LRRN3: variants seen among roughly 807,000 people sequenced by gnomAD.
LRRN3 encodes the protein leucine rich repeat neuronal 3, also known as leucine-rich repeat neuronal protein 3.
Under a neutral mutation model 40.1 loss-of-function variants are expected in LRRN3, and 15 were observed. The observed-to-expected ratio is 0.37, with a 90% CI of 0.25 to 0.58. The LOEUF (loss-of-function observed/expected upper bound fraction) is 0.58, where lower values mean the gene tolerates loss of function less well. LRRN3 is among the 20% of genes least tolerant of loss of function. The pLI is 0.72. For synonymous variants in LRRN3, 308 were observed against 297.2 expected (o/e 1.04, Z -0.37); for missense variants, 746 against 837.7 (o/e 0.89, Z 1.35).
intron 2 of LRRN3, among the ~76,000 whole-genome samples, chr7:111,118,879 T>A (rs544097115): frequency 6.6e-6 from 1 of 152,180 alleles, no homozygotes; most frequent in Admixed American, 6.5e-5. Context: ...ATAAACACTC[T>A]CATTTGCAAA....
At chr7:111,114,708 C>G (rs1289025509) in intron 2 of LRRN3, among the ~76,000 whole-genome samples, 1 of 142,274 alleles carries the variant, frequency 7.0e-6, no homozygotes, top group Non-Finnish European at 1.5e-5. Context: ...CCACTGCCCT[C>G]TAGCCTGGGC....
Position 111,122,841 on chromosome 7 carries a change from AG to A in LRRN3, c.70del (p.Asp24IlefsTer35). Reference protein sequence around the residue: ...LAITTLVQAVDKKVDCPRLCT... With the variant: ...LAITTLVQAVXKKVDCPRLCT... Reference sequence around the variant, plus strand: ...CTATCACTACACTAGTACAAGCTGTAGATAAAAAAGTGGATTGTCCACGGTT... The same window carrying A: ...CTATCACTACACTAGTACAAGCTGTAATAAAAAAGTGGATTGTCCACGGTT... On this transcript the variant is annotated frameshift_variant, in exon 3 of 3. Transcript: ENST00000308478. LOFTEE classifies it high-confidence loss of function. 1 of 1,614,006 alleles carries A rather than the reference AG, an allele frequency of 6.2e-7. No homozygotes were observed. The highest frequency in any genetic ancestry group is 8.5e-7 in the Non-Finnish European group (1 of 1,179,932).
intron 1 of LRRN3, among the ~76,000 whole-genome samples, chr7:111,094,038 T>TTA (rs1274685517): frequency 6.6e-6 from 1 of 152,150 alleles, no homozygotes; most frequent in East Asian, 1.9e-4. Context: ...GGTGATCAAC[T>TTA]TATGATGCAC....
At chr7:111,104,036 G>T (rs1453667532) in intron 2 of LRRN3, among the ~76,000 whole-genome samples, 1 of 151,690 alleles carries the variant, frequency 6.6e-6, no homozygotes, top group African/African-American at 2.4e-5. Context: ...TAATATGTGT[G>T]TGAAATGAAA....
intron 2 of LRRN3, among the ~76,000 whole-genome samples, chr7:111,112,849 C>T (rs1373808380): frequency 1.3e-5 from 2 of 152,244 alleles, no homozygotes; most frequent in Admixed American, 6.5e-5. Context: ...CATCAGCTAA[C>T]CCCAGCACAC....
intron 1 of LRRN3, 75 bp from the exon 2 acceptor site, chr7:111,099,806 A>T (rs796284757): frequency 3.3e-5 from 5 of 151,902 alleles, no homozygotes; most frequent in African/African-American, 1.2e-4. Flanking sequence ...ACATGTAAGA[A>T]ATAAAGAAGG....
chr7:111,110,402 AATAAT>A (rs1799065625), intron 2 of LRRN3, among the ~76,000 whole-genome samples: 1 of 152,194 alleles, frequency 6.6e-6, no homozygotes, highest in African/African-American at 2.4e-5. Flanking sequence ...TATTCACTGA[AATAAT>A]ATCTTATCTT....
At position 111,091,469 on chromosome 7, in the gene LRRN3, A is replaced by C. The variant is rs1340469814; in HGVS notation, c.-476A>C. The C allele has an allele frequency of 6.6e-6, 1 of 152,224 alleles. No individual in the cohort carries two copies. Among genetic ancestry groups the C allele is most frequent in the Non-Finnish European group, 1.5e-5 (1 of 68,038 alleles). 9.4% of individuals were successfully genotyped at this position (152,224 alleles called of 1,614,324 possible). The stretch of plus-strand genomic sequence containing the variant: ...ACTGAGGAATCCAGCACGCAAGGAC[A>C]TCGGAGGTGGGCTAGCACTGAAACT... On this transcript the variant is annotated 5_prime_UTR_variant, in exon 1 of 3. Coordinates refer to ENST00000308478, the MANE Select transcript of LRRN3 (RefSeq NM_001099658.2).
At chr7:111,120,560 G>C (rs1053799907) in intron 2 of LRRN3, among the ~76,000 whole-genome samples, 3 of 152,100 alleles carry the variant, frequency 2.0e-5, no homozygotes, top group African/African-American at 7.2e-5. Context: ...AACCATATCA[G>C]TGATGTAATA....
chr7:111,101,286 T>A (rs536851674), intron 2 of LRRN3, among the ~76,000 whole-genome samples: 1 of 151,528 alleles, frequency 6.6e-6, no homozygotes, highest in East Asian at 1.9e-4. Context: ...TATAGATACA[T>A]CCCTAGTCAT....
intron 1 of LRRN3, among the ~76,000 whole-genome samples, chr7:111,097,857 T>C (rs535364358): frequency 6.6e-6 from 1 of 151,922 alleles, no homozygotes; most frequent in East Asian, 1.9e-4. Context: ...CAGGAAATAA[T>C]TTCAATATAT....
intron 2 of LRRN3, among the ~76,000 whole-genome samples, chr7:111,101,860 C>A (rs1798016858): frequency 6.6e-6 from 1 of 151,372 alleles, no homozygotes; most frequent in Non-Finnish European, 1.5e-5. Flanking sequence ...GTATACCATC[C>A]ACAGTCATTT....
intron 2 of LRRN3, among the ~76,000 whole-genome samples, chr7:111,112,647 G>A (rs1799377755): frequency 6.6e-6 from 1 of 152,136 alleles, no homozygotes; most frequent in African/African-American, 2.4e-5. Flanking sequence ...GTTGTTTAAA[G>A]CAGATTGTCA....
chr7:111,115,833 C>T (rs1332121409), intron 2 of LRRN3, among the ~76,000 whole-genome samples: 1 of 151,858 alleles, frequency 6.6e-6, no homozygotes, highest in Non-Finnish European at 1.5e-5. Context: ...AACTCTAGCA[C>T]ACCTGGCTAA....
At position 111,124,351 on chromosome 7, in the gene LRRN3, A is replaced by G. The variant is rs1211439832; in HGVS notation, c.1579A>G (p.Ile527Val). ...ACAAGATAACAATGGCTCTTTGAAT[A>G]TTAAAATAAGAGATATTCAGGCCAA... The part of the protein sequence containing the change: ...FPQDNNGSLN[I>V]KIRDIQANSV... Residue 527 changes from isoleucine to valine, a missense_variant, in exon 3 of 3, where the codon ATT becomes GTT. Ile to Val is a conservative substitution (Grantham distance 29). Transcript: ENST00000308478. 6.2e-7 allele frequency: 1 copy of G among 1,613,620 alleles called. No homozygotes were observed. Among genetic ancestry groups the G allele is most frequent in the East Asian group, 2.2e-5 (1 of 44,830 alleles).
chr7:111,092,536 T>C (rs1796980691), intron 1 of LRRN3, among the ~76,000 whole-genome samples: 1 of 152,184 alleles, frequency 6.6e-6, no homozygotes, highest in Non-Finnish European at 1.5e-5. Context: ...AAGTAAAGGT[T>C]CAAAATATCT....
chr7:111,110,112 G>A (rs1799027985), intron 2 of LRRN3, among the ~76,000 whole-genome samples: 1 of 152,156 alleles, frequency 6.6e-6, no homozygotes, highest in African/African-American at 2.4e-5. Flanking sequence ...TCCAGCCTAG[G>A]CAACACAGTG....
At chr7:111,100,005 T>A (rs1236727246) in intron 2 of LRRN3, 43 bp downstream of exon 2, 1 of 151,716 alleles carries the variant, frequency 6.6e-6, no homozygotes, top group African/African-American at 2.4e-5. Flanking sequence ...TTTGATTCCA[T>A]GAGGGAACTG....
At chr7:111,109,847 C>T (rs1402368174) in intron 2 of LRRN3, among the ~76,000 whole-genome samples, 1 of 152,102 alleles carries the variant, frequency 6.6e-6, no homozygotes, top group Non-Finnish European at 1.5e-5. Flanking sequence ...CTTAAAAAGT[C>T]TTCAGGGGCT....
Sources: allele counts gnomAD v4.1 joint callset (sites outside exome capture counted in the v4.1 genomes callset), GRCh38; gene constraint gnomAD v4.1.1; transcripts MANE v1.5; gene names NCBI Gene and HGNC (gene_info 2026-07-23, HGNC 2026-07-21).